Variants in COL5A2 observed in about 807,000 individuals in gnomAD.
COL5A2 encodes collagen alpha-2(V) chain.
COL5A2 carries 23 observed loss-of-function variants against 208.2 expected under a neutral mutation model. The ratio of observed to expected loss-of-function variants is 0.11; its 90% CI spans 0.08 to 0.16. The LOEUF (loss-of-function observed/expected upper bound fraction) is 0.16. Ranked by LOEUF, COL5A2 falls within the 10% of genes least tolerant of loss-of-function variation. The probability of loss-of-function intolerance (pLI) is 1.00; values close to 1 mark genes in which losing one functional copy is unlikely to be tolerated. For synonymous variants in COL5A2, 625 were observed against 628.5 expected (o/e 0.99, Z 0.08); for missense variants, 1,590 against 1,956.4 (o/e 0.81, Z 3.53).
chr2:189,403,890 GCCC>G, the COL5A2 span, among the ~76,000 whole-genome samples: 2 of 152,078 alleles, frequency 1.3e-5, no homozygotes, highest in Non-Finnish European at 2.9e-5. Context: ...GTGCCACCAT[GCCC>G]AGTTAATTTT....
intron 1 of COL5A2, among the ~76,000 whole-genome samples, chr2:189,201,484 A>C (rs77390125): frequency 6.6e-6 from 1 of 152,060 alleles, no homozygotes; most frequent in East Asian, 1.9e-4. Flanking sequence ...ATTAGAGTAC[A>C]CGGTACTAAC....
At chr2:189,123,316 T>C (rs1687545879) in intron 1 of COL5A2, among the ~76,000 whole-genome samples, 1 of 152,160 alleles carries the variant, frequency 6.6e-6, no homozygotes, top group Admixed American at 6.5e-5. Context: ...GAGGAAGAAA[T>C]ATCTACTGGG....
At chr2:189,293,797 C>T in the COL5A2 span, among the ~76,000 whole-genome samples, 1 of 152,110 alleles carries the variant, frequency 6.6e-6, no homozygotes, top group Non-Finnish European at 1.5e-5. Context: ...TTAAAAGCAA[C>T]CCAGAGGGCC....
At chr2:189,425,468 G>T in the COL5A2 span, among the ~76,000 whole-genome samples, 62 of 152,228 alleles carry the variant, frequency 4.1e-4, no homozygotes, top group African/African-American at 1.5e-3. Flanking sequence ...CAGATGAATA[G>T]AATTTTTTAA....
At chr2:189,200,943 G>C (rs566849193) in intron 1 of COL5A2, among the ~76,000 whole-genome samples, 5 of 151,752 alleles carry the variant, frequency 3.3e-5, no homozygotes, top group Non-Finnish European at 5.9e-5. Flanking sequence ...GTCCTTACTG[G>C]CAGTCCTGTA....
chr2:189,092,229 GAC>G lies in COL5A2; in HGVS notation c.567+79_567+80del. On this transcript the variant is annotated intron_variant, in intron 7 of 53. Transcript: ENST00000374866. ...ACAGTCAAGTGTCAATATCTGAACA[GAC>G]ACAATTTAAAATCCTAACAATATAT... 4 of 918,598 alleles carry G rather than the reference GAC, an allele frequency of 4.4e-6. No homozygotes were observed. The South Asian group carries it at 5.6e-5, about 13-fold the overall frequency. 56.9% of individuals were successfully genotyped at this position (918,598 alleles called of 1,614,324 possible).
At chr2:189,214,548 G>C (rs765622285) in intron 1 of COL5A2, among the ~76,000 whole-genome samples, 12 of 152,014 alleles carry the variant, frequency 7.9e-5, no homozygotes, top group Non-Finnish European at 1.3e-4. Context: ...TGAAATTACA[G>C]AGTAATTTAT....
At chr2:189,180,718 C>T (rs952348348), upstream of COL5A2, among the ~76,000 whole-genome samples, 2 of 152,134 alleles carry the variant, frequency 1.3e-5, no homozygotes, top group African/African-American at 2.4e-5. Flanking sequence ...TACATAAAAG[C>T]AGATGGTGGT....
intron 1 of COL5A2, among the ~76,000 whole-genome samples, chr2:189,192,460 A>C (rs1000904582): frequency 6.6e-6 from 1 of 152,194 alleles, no homozygotes; most frequent in African/African-American, 2.4e-5. Context: ...CTTCGAGCCC[A>C]ATTCCTTATT....
At chr2:189,387,916 T>C in the COL5A2 span, among the ~76,000 whole-genome samples, 1 of 152,094 alleles carries the variant, frequency 6.6e-6, no homozygotes, top group Non-Finnish European at 1.5e-5. Flanking sequence ...TCCCAAGTAG[T>C]TGGGACTACA....
chr2:189,224,233 A>C (rs1245805192), intron 1 of COL5A2, among the ~76,000 whole-genome samples: 1 of 152,174 alleles, frequency 6.6e-6, no homozygotes, highest in Non-Finnish European at 1.5e-5. Context: ...AACCAAAAAA[A>C]TAAATGACAC....
chr2:189,413,596 T>C, the COL5A2 span, among the ~76,000 whole-genome samples: 1 of 152,006 alleles, frequency 6.6e-6, no homozygotes, highest in African/African-American at 2.4e-5. Context: ...ATTAGAACCT[T>C]TCACAGCGAA....
chr2:189,152,135 T>C (rs1022321136), intron 1 of COL5A2, among the ~76,000 whole-genome samples: 12 of 152,176 alleles, frequency 7.9e-5, no homozygotes, highest in African/African-American at 2.9e-4. Flanking sequence ...TTTCATTCAA[T>C]CCTTACACAC....
the COL5A2 span, among the ~76,000 whole-genome samples, chr2:189,330,988 G>A: frequency 6.6e-6 from 1 of 151,998 alleles, no homozygotes; most frequent in Non-Finnish European, 1.5e-5. Context: ...AGGAGACAGA[G>A]GTCAGAATTA....
chr2:189,276,177 T>C, the COL5A2 span, among the ~76,000 whole-genome samples: 1 of 152,178 alleles, frequency 6.6e-6, no homozygotes, highest in Non-Finnish European at 1.5e-5. Context: ...TGCTAGGAAA[T>C]TGCAGTAATC....
At chr2:189,066,584 A>T in intron 22 of COL5A2, 87 bp from the exon 23 acceptor site, 1 of 1,439,378 alleles carries the variant, frequency 6.9e-7, no homozygotes, top group Non-Finnish European at 9.8e-7. Flanking sequence ...AGTCAGTCAC[A>T]AATTTTAAAG....
At chr2:189,360,253 A>C in the COL5A2 span, among the ~76,000 whole-genome samples, 2 of 152,104 alleles carry the variant, frequency 1.3e-5, no homozygotes, top group Non-Finnish European at 2.9e-5. Flanking sequence ...ACCTAGAAAA[A>C]TTTATGGCAA....
intron 1 of COL5A2, among the ~76,000 whole-genome samples, chr2:189,159,187 G>C (rs1559130246): frequency 6.6e-6 from 1 of 152,082 alleles, no homozygotes; most frequent in Admixed American, 6.6e-5. Context: ...ATTTTCATTA[G>C]AGAACCTCCT....
chr2:189,120,586 C>T (rs1687480034), intron 1 of COL5A2, among the ~76,000 whole-genome samples: 1 of 152,168 alleles, frequency 6.6e-6, no homozygotes, highest in African/African-American at 2.4e-5. Context: ...AATAACATTA[C>T]ATTCACTTAT....
Sources: allele counts gnomAD v4.1 joint callset (sites outside exome capture counted in the v4.1 genomes callset), GRCh38; gene constraint gnomAD v4.1.1; transcripts MANE v1.5; gene names NCBI Gene and HGNC (gene_info 2026-07-23, HGNC 2026-07-21).